Variants in PER3 observed in about 807,000 individuals in gnomAD.
PER3 encodes the protein period circadian protein homolog 3.
In PER3, 107 loss-of-function variants were observed where a neutral mutation model predicts 127.2. The ratio of observed to expected loss-of-function variants is 0.84; its 90% confidence interval spans 0.72 to 0.99. The LOEUF (loss-of-function observed/expected upper bound fraction) is 0.99. Among genes scored for constraint, PER3 ranks in the 50% least tolerant of loss-of-function variants. PER3 has a pLI of 0.00. For synonymous variants in PER3, 618 were observed against 585.8 expected, an observed-to-expected ratio of 1.05 and a Z score of -0.79; for missense variants, 1,560 against 1,525.8, an observed-to-expected ratio of 1.02 and a Z score of -0.37.
intron 19 of PER3, among the ~76,000 whole-genome samples, chr1:7,832,348 A>G (rs941174797): frequency 2.0e-5 from 2 of 101,690 alleles, no homozygotes; most frequent in Non-Finnish European, 4.4e-5. Flanking sequence ...TTGGTTTTTT[A>G]TTTTATTGAT....
Position 7,843,884 on chromosome 1 carries a change from T to A in PER3, c.*1129T>A. On this transcript the variant is annotated 3_prime_UTR_variant, in exon 22 of 22. Transcript: ENST00000377532. ...GTTTACTTGATAAATCAGCTCACTC[T>A]CTGGTGCTTTTTAGAGAAGTCCCTG... is the stretch of plus-strand genomic sequence containing the variant. 2.4e-6 allele frequency: 3 copies of A among 1,258,034 alleles called. No homozygotes were observed. Among genetic ancestry groups the A allele is most frequent in the Non-Finnish European group, 3.1e-6 (3 of 969,690 alleles). The allele number at this position is 1,258,034 out of a possible 1,614,324, so 77.9% of individuals were successfully genotyped here. A position where few individuals can be genotyped will look rare whatever the true frequency, so the allele number is the denominator to read the frequency against.
Position 7,827,911 on chromosome 1 carries a change from A to T in PER3, c.2886+96A>T. The T allele has an allele frequency of 3.3e-6, 3 of 908,034 alleles. No individual in the cohort carries two copies. The South Asian group carries it at 4.9e-5, about 15-fold the overall frequency. The allele number at this position is 908,034 out of a possible 1,614,324, so 56.2% of individuals were successfully genotyped here. A position where few individuals can be genotyped will look rare whatever the true frequency, so the allele number is the denominator to read the frequency against. ...GGGACTCAGTGCTGACATTCTCAGT[A>T]GGTAATCCGCGTGGCTACTGTGAGT... On this transcript the variant is annotated intron_variant, in intron 18 of 21. Coordinates refer to ENST00000377532, the MANE Select transcript of PER3 (RefSeq NM_001377275.1).
intron 5 of PER3, among the ~76,000 whole-genome samples, chr1:7,788,805 G>C (rs1480382781): frequency 6.6e-6 from 1 of 151,942 alleles, no homozygotes; most frequent in African/African-American, 2.4e-5. Context: ...TCAGGAGGTT[G>C]AGGCACGAGA....
At chr1:7,814,111 GAGAA>G (rs562116582) in intron 13 of PER3, among the ~76,000 whole-genome samples, 20 of 152,282 alleles carry the variant, frequency 1.3e-4, no homozygotes, top group Middle Eastern at 3.4e-3. Context: ...AGCTGAAACA[GAGAA>G]AGAAGAATGA....
intron 13 of PER3, among the ~76,000 whole-genome samples, chr1:7,816,254 TAAATC>T (rs1256721110): frequency 1.3e-5 from 2 of 151,598 alleles, no homozygotes; most frequent in African/African-American, 2.4e-5. Flanking sequence ...GAAACTAAGT[TAAATC>T]AAAGGGTAAT....
intron 18 of PER3, among the ~76,000 whole-genome samples, chr1:7,828,124 T>TA (rs1217203693): frequency 6.6e-6 from 1 of 152,258 alleles, no homozygotes; most frequent in Non-Finnish European, 1.5e-5. Flanking sequence ...TTACAGGTAT[T>TA]ACGCTTAAGT....
Position 7,794,009 on chromosome 1 carries a change from G to A in PER3, c.644+1G>A, listed in dbSNP as rs1055218317. ...TGAAACCTTTTTTCTGCAGGATCCG[G>A]TAAGTATAGTGGCTCGTGGAAGCCA... On this transcript the variant is annotated splice_donor_variant, in intron 6 of 21. Coordinates refer to ENST00000377532, the MANE Select transcript of PER3 (RefSeq NM_001377275.1). LOFTEE classifies it high-confidence loss of function. 1.9e-6 allele frequency: 3 copies of A among 1,612,458 alleles called. No homozygotes were observed. The highest frequency in any genetic ancestry group is 1.7e-5 in the Admixed American group (1 of 60,018).
At chr1:7,787,213 C>A in intron 4 of PER3, 1 of 883,218 alleles carries the variant, frequency 1.1e-6, no homozygotes, top group Non-Finnish European at 1.4e-6. Flanking sequence ...ATACCTACTA[C>A]TTCAAGTTGT....
At chr1:7,787,490 T>C (rs375629454) in intron 4 of PER3, 8 of 448,232 alleles carry the variant, frequency 1.8e-5, no homozygotes, top group African/African-American at 1.4e-4. Flanking sequence ...GGAGGTGCTA[T>C]GGAGATTTTT....
Position 7,827,383 on chromosome 1 carries a change from C to T in PER3, c.2454C>T (p.Pro818=), listed in dbSNP as rs376819322. The change falls in exon 18 of 22, where the codon CCC becomes CCT. Residue 818 remains proline, a synonymous_variant. Transcript: ENST00000377532. ...TTCCCCTCCCAGCCGCGACCTCACC[C>T]GGAAGAGAATACGCAGCCCCCGGAA... is the stretch of plus-strand genomic sequence containing the variant. ...PAFPLPAATS[P]GREYAAPGTA... is the part of the protein sequence containing the mutation. The T allele has an allele frequency of 1.2e-5, 19 of 1,614,056 alleles. No individual in the cohort carries two copies. The highest frequency in any genetic ancestry group is 6.7e-5 in the East Asian group (3 of 44,892).
At chr1:7,840,963 C>G (rs1215638040) in intron 21 of PER3, among the ~76,000 whole-genome samples, 2 of 152,206 alleles carry the variant, frequency 1.3e-5, no homozygotes, top group Non-Finnish European at 2.9e-5. Flanking sequence ...ATTCTTTCAT[C>G]TGGTCTTTCT....
intron 7 of PER3, among the ~76,000 whole-genome samples, chr1:7,799,930 G>A (rs188961059): frequency 8.0e-4 from 122 of 151,610 alleles, no homozygotes; most frequent in African/African-American, 2.8e-3. Flanking sequence ...CATCACGCCT[G>A]ACTAATTTTA....
chr1:7,786,969 AAGAG>A, intron 4 of PER3, 133 bp downstream of exon 4: 1 of 638,552 alleles, frequency 1.6e-6, no homozygotes. Flanking sequence ...GGAACTGCTA[AAGAG>A]GCATGGTGTA....
intron 19 of PER3, among the ~76,000 whole-genome samples, chr1:7,831,097 C>T (rs1577935206): frequency 6.6e-6 from 1 of 152,048 alleles, no homozygotes; most frequent in East Asian, 1.9e-4. Context: ...TGTTTTGATC[C>T]ACAAGTACGA....
intron 4 of PER3, 39 bp downstream of exon 4, chr1:7,786,875 CT>C (rs745610951): frequency 1.7e-6 from 2 of 1,199,344 alleles, no homozygotes; most frequent in African/African-American, 1.5e-5. Flanking sequence ...ACCTGGGTGA[CT>C]TTTCCTAAGG....
In PER3 at chr1:7,797,360, C is replaced by T. The variant is rs187364654; in HGVS notation, c.645-1165C>T. 7.0e-3 allele frequency among the ~76,000 whole-genome samples: 1,063 copies of T among 152,212 alleles called. 23 individuals are homozygous for T. The highest frequency in any genetic ancestry group is 4.4e-3 in the Non-Finnish European group (299 of 68,012). On this transcript the variant is annotated intron_variant, in intron 6 of 21. Coordinates refer to ENST00000377532, the MANE Select transcript of PER3 (RefSeq NM_001377275.1). ...AGAGAAAGAGCAAGGTGGGGCTGGG[C>T]GCAGTGGCTCACGCCTGTAATCCCA... is the stretch of plus-strand genomic sequence containing the variant.
intron 19 of PER3, among the ~76,000 whole-genome samples, chr1:7,831,057 G>T (rs1055794704): frequency 3.3e-5 from 5 of 152,188 alleles, no homozygotes; most frequent in African/African-American, 1.2e-4. Flanking sequence ...TGATCAATAC[G>T]TGAATAATTA....
At chr1:7,785,291 T>A in intron 2 of PER3, 150 bp from the exon 3 acceptor site, 1 of 660,210 alleles carries the variant, frequency 1.5e-6, no homozygotes, top group South Asian at 2.0e-5. Context: ...TTGCCTCGAG[T>A]TCCCCACCTA....
intron 5 of PER3, among the ~76,000 whole-genome samples, chr1:7,792,327 G>A (rs1175562048): frequency 6.6e-6 from 1 of 152,122 alleles, no homozygotes; most frequent in Non-Finnish European, 1.5e-5. Flanking sequence ...CGGGATGACG[G>A]CAACCACCCC....
Sources: allele counts gnomAD v4.1 joint callset (sites outside exome capture counted in the v4.1 genomes callset), GRCh38; gene constraint gnomAD v4.1.1; transcripts MANE v1.5; gene names NCBI Gene and HGNC (gene_info 2026-07-23, HGNC 2026-07-21).